The following DOCK4 variants were observed in gnomAD, a reference collection of about 807,000 sequenced individuals.
DOCK4 encodes the protein dedicator of cytokinesis protein 4.
A neutral mutation model predicts 268.1 loss-of-function variants in DOCK4; 97 were observed. That is an observed-to-expected ratio of 0.36 (90% CI 0.31 to 0.43). The LOEUF (loss-of-function observed/expected upper bound fraction) is 0.43, where lower values mean the gene tolerates loss of function less well. Ranked by LOEUF, DOCK4 falls within the 20% of genes least tolerant of loss-of-function variation. DOCK4 has a pLI of 1.00. For synonymous variants in DOCK4, 954 were observed against 887.2 expected, an observed-to-expected ratio of 1.08 and a Z score of -1.34; for missense variants, 2,145 against 2,455.7, an observed-to-expected ratio of 0.87 and a Z score of 2.67.
chr7:111,820,790 C>T (rs1256905198), intron 27 of DOCK4: 1 of 152,144 alleles, frequency 6.6e-6, no homozygotes, highest in Non-Finnish European at 1.5e-5. Flanking sequence ...GGCAGAATGA[C>T]CAAATGTTGA....
intron 1 of DOCK4, among the ~76,000 whole-genome samples, chr7:112,046,197 T>C (rs1586711667): frequency 6.6e-6 from 1 of 152,038 alleles, no homozygotes; most frequent in African/African-American, 2.4e-5. Context: ...TCCTAGCCCA[T>C]TCTACCTTAT....
intron 26 of DOCK4, among the ~76,000 whole-genome samples, chr7:111,825,251 T>C (rs569462157): frequency 4.5e-4 from 69 of 152,306 alleles, no homozygotes; most frequent in Admixed American, 4.5e-3. Flanking sequence ...CACAAATACC[T>C]TCCATTTTAG....
chr7:111,792,533 C>T (rs1799618589), intron 30 of DOCK4, among the ~76,000 whole-genome samples: 1 of 152,138 alleles, frequency 6.6e-6, no homozygotes, highest in Admixed American at 6.5e-5. Context: ...CAGGCACGCA[C>T]CACCACGCCC....
At chr7:112,088,512 C>G (rs543554691) in intron 1 of DOCK4, among the ~76,000 whole-genome samples, 3 of 152,078 alleles carry the variant, frequency 2.0e-5, no homozygotes, top group Admixed American at 6.6e-5. Flanking sequence ...TGTACATATC[C>G]AAGTCTTCAT....
chr7:111,755,707 C>T, intron 41 of DOCK4, 106 bp from the exon 42 acceptor site: 2 of 1,001,490 alleles, frequency 2.0e-6, no homozygotes, highest in East Asian at 2.5e-5. Flanking sequence ...TTATTCCTGT[C>T]AGCCTTTCTT....
At chr7:112,075,298 C>G (rs945171065) in intron 1 of DOCK4, among the ~76,000 whole-genome samples, 1 of 152,104 alleles carries the variant, frequency 6.6e-6, no homozygotes, top group South Asian at 2.1e-4. Flanking sequence ...AGAGGCAAGA[C>G]TGGAGGAGGG....
intron 12 of DOCK4, among the ~76,000 whole-genome samples, chr7:111,920,968 T>C (rs1027305117): frequency 6.6e-6 from 1 of 152,076 alleles, no homozygotes; most frequent in Non-Finnish European, 1.5e-5. Flanking sequence ...TTTCATAAAA[T>C]TAAAATTTCA....
chr7:111,784,099 A>C lies in DOCK4; in HGVS notation c.3426T>G (p.Pro1142=), dbSNP rs1207635604. 1 of 1,580,364 alleles carries C rather than the reference A, an allele frequency of 6.3e-7. No homozygotes were observed. Among genetic ancestry groups the C allele is most frequent in the Non-Finnish European group, 8.6e-7 (1 of 1,168,288 alleles). The change falls in exon 33 of 53, where the codon CCT becomes CCG. Residue 1142 remains proline (P), a splice_region_variant and synonymous_variant. Transcript: ENST00000428084. The part of the protein sequence containing the change: ...NSIIPLFGPY[P]SLLKKIERET... Reference sequence around the variant, plus strand: ...ACAATTTGCAAACAATGTCTTACCTAGGATAGGGACCAAATAGTGGAATTC... The same window carrying C: ...ACAATTTGCAAACAATGTCTTACCTCGGATAGGGACCAAATAGTGGAATTC...
At chr7:111,758,824 T>G (rs1352981750) in intron 40 of DOCK4, 34 bp from the exon 41 acceptor site, 1 of 1,607,854 alleles carries the variant, frequency 6.2e-7, no homozygotes, top group Non-Finnish European at 8.5e-7. Flanking sequence ...GAACCTGACT[T>G]GGCAAACTCC....
intron 23 of DOCK4, chr7:111,863,039 C>A: frequency 3.9e-6 from 1 of 258,276 alleles, no homozygotes. Flanking sequence ...TTTCATATAG[C>A]TTCAGAACAT....
chr7:112,084,906 T>C (rs1178110103), intron 1 of DOCK4, among the ~76,000 whole-genome samples: 1 of 152,098 alleles, frequency 6.6e-6, no homozygotes, highest in Non-Finnish European at 1.5e-5. Flanking sequence ...ATTATTACCA[T>C]GTATGTGTAC....
chr7:112,061,876 A>G (rs1806442159), intron 1 of DOCK4, among the ~76,000 whole-genome samples: 1 of 152,172 alleles, frequency 6.6e-6, no homozygotes, highest in Non-Finnish European at 1.5e-5. Flanking sequence ...GAATAAAGTG[A>G]TAATAGCAGT....
chr7:111,742,040 A>T lies in DOCK4; in HGVS notation c.4770T>A (p.Phe1590Leu). The change falls in exon 45 of 53, where the codon TTT (phenylalanine) becomes TTA (leucine). Residue 1590 changes from phenylalanine to leucine, a missense_variant. Physicochemically the swap from Phe to Leu is conservative, Grantham distance 22 (BLOSUM62 0). Transcript: ENST00000428084. ...GTATCCCTAAGCTCGACTTCATCAC[A>T]AAGAATTGGTCAACCAGCTTTTTGT... ...PLHKKLVDQF[F>L]VMKSSLGIQE... 1 of 1,606,734 alleles carries T rather than the reference A, an allele frequency of 6.2e-7. No individual in the cohort carries two copies. The highest frequency in any genetic ancestry group is 8.5e-7 in the Non-Finnish European group (1 of 1,176,852).
At chr7:111,914,974 C>T (rs1266950153) in intron 13 of DOCK4, among the ~76,000 whole-genome samples, 1 of 152,138 alleles carries the variant, frequency 6.6e-6, no homozygotes, top group Non-Finnish European at 1.5e-5. Context: ...TTGATTGATG[C>T]TCAATCAATG....
chr7:111,769,364 A>G (rs58250389), intron 37 of DOCK4, among the ~76,000 whole-genome samples, 165 bp downstream of exon 37: 12,031 of 152,210 alleles, frequency 0.079, 1,530 homozygotes, highest in African/African-American at 0.27. Context: ...TAGGAGTGGC[A>G]CCTAGGAATC....
intron 30 of DOCK4, among the ~76,000 whole-genome samples, chr7:111,806,207 C>T (rs1800660128): frequency 6.6e-6 from 1 of 152,092 alleles, no homozygotes; most frequent in African/African-American, 2.4e-5. Context: ...CTCAACATGA[C>T]ATATTTATAA....
chr7:111,933,498 T>C (rs903179407), intron 12 of DOCK4, among the ~76,000 whole-genome samples: 2 of 151,724 alleles, frequency 1.3e-5, no homozygotes, highest in Non-Finnish European at 2.9e-5. Flanking sequence ...TGTTTCACCA[T>C]GTTTGCCAGG....
At chr7:112,130,039 G>A (rs1813659830) in intron 1 of DOCK4, among the ~76,000 whole-genome samples, 2 of 152,174 alleles carry the variant, frequency 1.3e-5, no homozygotes, top group African/African-American at 4.8e-5. Context: ...TCTAGACACG[G>A]AGCCACTTTT....
At chr7:112,038,468 G>A (rs954887150) in intron 1 of DOCK4, among the ~76,000 whole-genome samples, 2 of 152,186 alleles carry the variant, frequency 1.3e-5, no homozygotes, top group African/African-American at 4.8e-5. Flanking sequence ...AAGCAGCTGA[G>A]TGGTGACAAA....
Sources: allele counts gnomAD v4.1 joint callset (sites outside exome capture counted in the v4.1 genomes callset), GRCh38; gene constraint gnomAD v4.1.1; transcripts MANE v1.5; gene names NCBI Gene and HGNC (gene_info 2026-07-23, HGNC 2026-07-21).